Variants in NAALADL2 observed in about 807,000 individuals in gnomAD.
The protein encoded by NAALADL2 is inactive N-acetylated-alpha-linked acidic dipeptidase-like protein 2.
Under a neutral mutation model 87.2 loss-of-function variants are expected in NAALADL2, and 76 were observed. The observed-to-expected ratio is 0.87, with a 90% CI of 0.72 to 1.05. NAALADL2 has a LOEUF of 1.05. NAALADL2 is among the 50% of genes least tolerant of loss of function. The pLI is 0.00. For synonymous variants in NAALADL2, 354 were observed against 331.0 expected (o/e 1.07, Z -0.75); for missense variants, 1,089 against 945.8 (o/e 1.15, Z -1.99).
At chr3:175,362,175 G>A (rs1054512929) in intron 5 of NAALADL2, among the ~76,000 whole-genome samples, 11 of 148,108 alleles carry the variant, frequency 7.4e-5, no homozygotes, top group East Asian at 4.0e-4. Flanking sequence ...TCAGATGGTT[G>A]TAGATGTGTG....
intron 1 of NAALADL2, among the ~76,000 whole-genome samples, chr3:175,047,555 C>T (rs1443790199): frequency 6.6e-6 from 1 of 152,036 alleles, no homozygotes; most frequent in African/African-American, 2.4e-5. Context: ...TACATAGAAA[C>T]ATACAACTTA....
intron 10 of NAALADL2, among the ~76,000 whole-genome samples, chr3:175,593,150 A>G (rs1219422575): frequency 1.3e-5 from 2 of 152,026 alleles, no homozygotes; most frequent in East Asian, 1.9e-4. Flanking sequence ...CTTTATCCTG[A>G]TGCTCTCCCT....
At chr3:174,901,359 A>G (rs894357228) in intron 1 of NAALADL2, among the ~76,000 whole-genome samples, 4 of 152,156 alleles carry the variant, frequency 2.6e-5, no homozygotes, top group Non-Finnish European at 5.9e-5. Flanking sequence ...CCCTGTCTCT[A>G]TGGGCAATGG....
chr3:174,571,070 G>A (rs1028595993), intron 2 of NAALADL2, among the ~76,000 whole-genome samples: 3 of 152,098 alleles, frequency 2.0e-5, no homozygotes, highest in Non-Finnish European at 4.4e-5. Context: ...CTGAGATCTT[G>A]CCTTTCGGAT....
intron 4 of NAALADL2, among the ~76,000 whole-genome samples, chr3:175,314,949 A>G (rs527597528): frequency 7.9e-5 from 12 of 152,014 alleles, no homozygotes; most frequent in Non-Finnish European, 1.3e-4. Flanking sequence ...AGATGAAGCT[A>G]TAAGGTTCCT....
At chr3:175,655,430 C>A in intron 11 of NAALADL2, 2 of 318,166 alleles carry the variant, frequency 6.3e-6, no homozygotes, top group Non-Finnish European at 6.2e-6. Context: ...CTGGAGTTTG[C>A]CAAACAATGC....
At chr3:175,555,930 GA>G (rs1207580506) in intron 9 of NAALADL2, among the ~76,000 whole-genome samples, 1 of 152,146 alleles carries the variant, frequency 6.6e-6, no homozygotes, top group East Asian at 1.9e-4. Context: ...TTTCCAAAAT[GA>G]AAAAGCCTCT....
intron 2 of NAALADL2, among the ~76,000 whole-genome samples, chr3:175,114,140 G>C (rs1241269803): frequency 2.0e-5 from 3 of 151,636 alleles, no homozygotes; most frequent in Non-Finnish European, 4.4e-5. Context: ...GAAAGCCTTA[G>C]TGAAGGATAG....
chr3:174,554,963 A>C (rs1044827819), intron 2 of NAALADL2, among the ~76,000 whole-genome samples: 3 of 152,336 alleles, frequency 2.0e-5, no homozygotes, highest in African/African-American at 7.2e-5. Context: ...GTTTCTTCAC[A>C]TAGTGGAAGG....
intron 1 of NAALADL2, among the ~76,000 whole-genome samples, chr3:174,980,918 T>C (rs1745028372): frequency 6.6e-6 from 1 of 152,178 alleles, no homozygotes; most frequent in African/African-American, 2.4e-5. Context: ...GCTGCAGTTC[T>C]GACAGCTTAG....
chr3:174,657,449 G>C (rs918533086), intron 2 of NAALADL2, among the ~76,000 whole-genome samples: 3 of 151,918 alleles, frequency 2.0e-5, no homozygotes, highest in Admixed American at 1.3e-4. Context: ...GAGCGACCCT[G>C]CCCGGCCACA....
At chr3:175,576,609 T>TAAA (rs1212636372) in intron 10 of NAALADL2, among the ~76,000 whole-genome samples, 1 of 152,242 alleles carries the variant, frequency 6.6e-6, no homozygotes, top group Non-Finnish European at 1.5e-5. Flanking sequence ...AGTTTGTCAA[T>TAAA]AGTTTGCCTG....
chr3:174,441,872 G>A (rs1190315907), intron 1 of NAALADL2, among the ~76,000 whole-genome samples: 1 of 151,766 alleles, frequency 6.6e-6, no homozygotes, highest in East Asian at 1.9e-4. Flanking sequence ...ATTTACTAGG[G>A]CTTGCATCCT....
intron 1 of NAALADL2, among the ~76,000 whole-genome samples, chr3:174,861,170 TA>T (rs1726440285): frequency 6.6e-6 from 1 of 152,124 alleles, no homozygotes; most frequent in Non-Finnish European, 1.5e-5. Context: ...TGTTTAAATG[TA>T]TCCTTGGTAG....
Position 175,676,483 on chromosome 3 carries a change from G to T in NAALADL2, c.1896+49097G>T, listed in dbSNP as rs561038008. On this transcript the variant is annotated intron_variant, in intron 11 of 13. Coordinates refer to ENST00000454872, the MANE Select transcript of NAALADL2 (RefSeq NM_207015.3). Reference sequence around the variant, plus strand: ...ATGGCAATGGGTTCAGGAAAGTTCTGTTTTGCAAATTACATCCATGATACG... The same window carrying T: ...ATGGCAATGGGTTCAGGAAAGTTCTTTTTTGCAAATTACATCCATGATACG... 15 of 152,258 alleles carry T rather than the reference G, an allele frequency of 9.9e-5. No homozygotes were observed. The East Asian group carries it at 1.2e-3, about 12-fold the overall frequency. 9.4% of individuals were successfully genotyped at this position (152,258 alleles called of 1,614,324 possible).
At chr3:174,557,995 A>G (rs878348) in intron 2 of NAALADL2, among the ~76,000 whole-genome samples, 131,838 of 152,128 alleles carry the variant, frequency 0.87, 58,043 homozygotes, top group Non-Finnish European at 0.95. Context: ...TTTACTGGGG[A>G]GTGGTCAGGG....
chr3:174,441,717 ATT>A (rs2108253535), intron 1 of NAALADL2, among the ~76,000 whole-genome samples: 1 of 112,416 alleles, frequency 8.9e-6, no homozygotes, highest in South Asian at 3.0e-4. Context: ...TTTCCCCCAC[ATT>A]CTTTGCTTTT....
chr3:174,689,124 CAAT>C (rs769359130), intron 2 of NAALADL2, among the ~76,000 whole-genome samples: 21 of 152,020 alleles, frequency 1.4e-4, no homozygotes, highest in Middle Eastern at 3.4e-3. Context: ...TGAATAAAAA[CAAT>C]AAGTATAATG....
At chr3:175,525,875 A>G (rs1733336459) in intron 9 of NAALADL2, among the ~76,000 whole-genome samples, 1 of 152,144 alleles carries the variant, frequency 6.6e-6, no homozygotes. Context: ...ATTATTAGTC[A>G]TGATTATTTT....
Sources: allele counts gnomAD v4.1 joint callset (sites outside exome capture counted in the v4.1 genomes callset), GRCh38; gene constraint gnomAD v4.1.1; transcripts MANE v1.5; gene names NCBI Gene and HGNC (gene_info 2026-07-23, HGNC 2026-07-21).